Variants in RERE observed in about 807,000 individuals in gnomAD.
RERE encodes the protein arginine-glutamic acid dipeptide repeats.
Under a neutral mutation model 146.1 loss-of-function variants are expected in RERE, and 40 were observed. The observed-to-expected ratio is 0.27, with a 90% CI of 0.21 to 0.36. The LOEUF (loss-of-function observed/expected upper bound fraction) is 0.36. Ranked by LOEUF, RERE falls within the 10% of genes least tolerant of loss-of-function variation. RERE has a pLI of 1.00. For missense variants in RERE, 1,933 were observed against 2,138.7 expected (o/e 0.90, Z 1.90); for synonymous variants, 1,003 against 866.0 (o/e 1.16, Z -2.78).
chr1:8,567,740 T>C (rs1183702763), intron 4 of RERE, among the ~76,000 whole-genome samples: 1 of 152,196 alleles, frequency 6.6e-6, no homozygotes, highest in Non-Finnish European at 1.5e-5. Context: ...TAAGCACAGG[T>C]AAAACCTTGG....
At chr1:8,558,661 A>T (rs1646035441) in intron 4 of RERE, among the ~76,000 whole-genome samples, 1 of 152,206 alleles carries the variant, frequency 6.6e-6, no homozygotes. Context: ...AGCCAACACT[A>T]AAACACCAGG....
rs369090530 is a variant in RERE, at chr1:8,379,922, C to T, written c.1285-13948G>A. Among the ~76,000 whole-genome samples the T allele has an allele frequency of 4.1e-4, 62 of 152,322 alleles. No homozygotes were observed. The South Asian group carries it at 0.012, about 31-fold the overall frequency. Reference sequence around the variant, plus strand: ...TGGGATCACTTCACCTAATGCAGCACGTATGCCACAAACTCACCACAGCAC... The same window carrying T: ...TGGGATCACTTCACCTAATGCAGCATGTATGCCACAAACTCACCACAGCAC... On this transcript the variant is annotated intron_variant, in intron 12 of 22. Coordinates refer to ENST00000400908, the MANE Select transcript of RERE (RefSeq NM_001042681.2).
At chr1:8,403,585 C>T (rs1643338706) in intron 12 of RERE, among the ~76,000 whole-genome samples, 2 of 151,746 alleles carry the variant, frequency 1.3e-5, no homozygotes, top group South Asian at 4.1e-4. Flanking sequence ...AGGCTAGTCT[C>T]AAACTCCTGA....
At chr1:8,809,926 A>C (rs1328219468) in intron 1 of RERE, among the ~76,000 whole-genome samples, 1 of 152,224 alleles carries the variant, frequency 6.6e-6, no homozygotes, top group Non-Finnish European at 1.5e-5. Flanking sequence ...AAGTGGTAGG[A>C]AATAAAAGTG....
At chr1:8,386,016 ATATATATTTTTTTTTTT>A (rs1204513373) in intron 12 of RERE, among the ~76,000 whole-genome samples, 41 of 44,248 alleles carry the variant, frequency 9.3e-4, no homozygotes, top group African/African-American at 3.6e-3. Flanking sequence ...ATATATATAT[ATATATATTTTTTTTTTT>A]TTTTTTTTTT....
intron 11 of RERE, among the ~76,000 whole-genome samples, chr1:8,431,258 G>A (rs1276110056): frequency 6.6e-6 from 1 of 152,168 alleles, no homozygotes; most frequent in Non-Finnish European, 1.5e-5. Context: ...ATTACCGCCT[G>A]AGCTCTACCT....
intron 2 of RERE, among the ~76,000 whole-genome samples, chr1:8,632,905 G>A (rs1339004973): frequency 6.6e-6 from 1 of 152,086 alleles, no homozygotes; most frequent in Non-Finnish European, 1.5e-5. Flanking sequence ...TACTAATACG[G>A]ATTTTTTTAA....
At chr1:8,755,046 G>A (rs992774118) in intron 1 of RERE, among the ~76,000 whole-genome samples, 2 of 152,188 alleles carry the variant, frequency 1.3e-5, no homozygotes, top group Non-Finnish European at 2.9e-5. Context: ...CAGTACAGTC[G>A]ATTTACAGAA....
At chr1:8,641,548 T>C (rs910846198) in intron 2 of RERE, among the ~76,000 whole-genome samples, 2 of 152,102 alleles carry the variant, frequency 1.3e-5, no homozygotes, top group Admixed American at 1.3e-4. Context: ...TCTGTCACAG[T>C]CCTCCGGACT....
intron 1 of RERE, among the ~76,000 whole-genome samples, chr1:8,720,942 G>A (rs190561080): frequency 3.3e-5 from 5 of 152,136 alleles, no homozygotes; most frequent in Non-Finnish European, 7.4e-5. Context: ...TGCAATCCCA[G>A]TTACTCAGGA....
chr1:8,518,576 A>G (rs1326216421), intron 7 of RERE, among the ~76,000 whole-genome samples: 1 of 152,202 alleles, frequency 6.6e-6, no homozygotes, highest in African/African-American at 2.4e-5. Flanking sequence ...AGAACAAAAT[A>G]CACTACATTT....
chr1:8,804,694 C>G (rs2124596002), intron 1 of RERE, among the ~76,000 whole-genome samples: 1 of 152,300 alleles, frequency 6.6e-6, no homozygotes, highest in South Asian at 2.1e-4. Context: ...TTGCCTTTTC[C>G]TCCTTCCTGC....
chr1:8,774,951 C>CTTTTTTTTTTTTTTTTTTTTTTT (rs869173167), intron 1 of RERE, among the ~76,000 whole-genome samples: 3 of 47,946 alleles, frequency 6.3e-5, no homozygotes, highest in African/African-American at 1.4e-4. Flanking sequence ...TTCTTTCTTT[C>CTTTTTTTTTTTTTTTTTTTTTTT]TTTTTTTTTT....
intron 1 of RERE, among the ~76,000 whole-genome samples, chr1:8,797,471 A>G (rs1641500059): frequency 6.6e-6 from 1 of 152,166 alleles, no homozygotes; most frequent in African/African-American, 2.4e-5. Flanking sequence ...CTTAGCGTAA[A>G]CACACATATG....
At chr1:8,579,942 T>A (rs1259860547) in intron 4 of RERE, among the ~76,000 whole-genome samples, 1 of 152,186 alleles carries the variant, frequency 6.6e-6, no homozygotes, top group African/African-American at 2.4e-5. Context: ...AGGTGGAGGT[T>A]GCAGTGAACT....
At chr1:8,635,012 G>A (rs2124263745) in intron 2 of RERE, among the ~76,000 whole-genome samples, 1 of 152,332 alleles carries the variant, frequency 6.6e-6, no homozygotes, top group Admixed American at 6.5e-5. Context: ...TGGGATTAGA[G>A]GCGTGAGCCA....
At chr1:8,665,815 T>C (rs1200245745) in intron 1 of RERE, among the ~76,000 whole-genome samples, 2 of 152,204 alleles carry the variant, frequency 1.3e-5, no homozygotes, top group African/African-American at 4.8e-5. Context: ...GACAATGTAA[T>C]TTATGATCCA....
intron 1 of RERE, among the ~76,000 whole-genome samples, chr1:8,696,247 A>T (rs1156365961): frequency 1.3e-5 from 2 of 152,234 alleles, no homozygotes; most frequent in Non-Finnish European, 2.9e-5. Flanking sequence ...TCGTATGTTC[A>T]TCACAGCGCT....
At chr1:8,515,462 C>T (rs762325254) in intron 7 of RERE, among the ~76,000 whole-genome samples, 61 of 151,280 alleles carry the variant, frequency 4.0e-4, no homozygotes, top group Non-Finnish European at 6.6e-4. Context: ...TGAAACCCCA[C>T]ACTACTAAAA....
Sources: allele counts gnomAD v4.1 joint callset (sites outside exome capture counted in the v4.1 genomes callset), GRCh38; gene constraint gnomAD v4.1.1; transcripts MANE v1.5; gene names NCBI Gene and HGNC (gene_info 2026-07-23, HGNC 2026-07-21).